The following ATG13 variants were observed in gnomAD, a reference collection of about 807,000 sequenced individuals.
ATG13 encodes the protein autophagy related 13, also known as autophagy-related protein 13.
Under a neutral mutation model 65.5 loss-of-function variants are expected in ATG13, and 23 were observed. That is an observed-to-expected ratio of 0.35 (90% CI 0.25 to 0.50). The LOEUF (loss-of-function observed/expected upper bound fraction) is 0.50. ATG13 is among the 20% of genes least tolerant of loss of function. ATG13 has a pLI of 0.98. For missense variants in ATG13, 566 were observed against 677.0 expected (o/e 0.84, Z 1.82); for synonymous variants, 252 against 245.2 (o/e 1.03, Z -0.26).
chr11:46,639,905 G>A (rs1050110206), intron 2 of ATG13, among the ~76,000 whole-genome samples: 1 of 148,962 alleles, frequency 6.7e-6, no homozygotes, highest in Non-Finnish European at 1.5e-5. Flanking sequence ...CCATGTTGGA[G>A]TGTAGTGGCA....
intron 2 of ATG13, among the ~76,000 whole-genome samples, chr11:46,631,176 A>G (rs530694905): frequency 6.6e-6 from 1 of 152,282 alleles, no homozygotes; most frequent in South Asian, 2.1e-4. Context: ...GTAGAACCCT[A>G]TATGTATGTA....
chr11:46,642,131 C>T (rs1830938701), intron 2 of ATG13, among the ~76,000 whole-genome samples: 1 of 151,930 alleles, frequency 6.6e-6, no homozygotes, highest in Admixed American at 6.6e-5. Flanking sequence ...TTCAGCTCTC[C>T]TTTTGTTTAT....
chr11:46,670,128 T>C (rs1252477935), intron 18 of ATG13, among the ~76,000 whole-genome samples: 2 of 152,162 alleles, frequency 1.3e-5, no homozygotes, highest in East Asian at 3.9e-4. Flanking sequence ...TAAATAGATA[T>C]TAAGATCCTA....
intron 2 of ATG13, among the ~76,000 whole-genome samples, chr11:46,640,025 C>T (rs955044271): frequency 6.6e-6 from 1 of 150,874 alleles, no homozygotes; most frequent in East Asian, 1.9e-4. Flanking sequence ...ATTTTTTTTT[C>T]CTAGAGATGG....
chr11:46,640,045 A>G (rs2055421261), intron 2 of ATG13, among the ~76,000 whole-genome samples: 6 of 151,866 alleles, frequency 4.0e-5, no homozygotes, highest in Admixed American at 3.9e-4. Flanking sequence ...GGGTTTCACC[A>G]TGTTGCCCAG....
At chr11:46,666,027 G>A (rs930736017) in intron 14 of ATG13, among the ~76,000 whole-genome samples, 11 of 151,880 alleles carry the variant, frequency 7.2e-5, no homozygotes, top group Admixed American at 7.2e-4. Context: ...GGCTGGTCTC[G>A]AACTCCTGGC....
chr11:46,635,606 C>T (rs1031495818), intron 2 of ATG13, among the ~76,000 whole-genome samples: 1 of 152,252 alleles, frequency 6.6e-6, no homozygotes, highest in East Asian at 1.9e-4. Context: ...CCTTTGTATT[C>T]ATAGGAGCAC....
chr11:46,646,064 A>T, intron 5 of ATG13, 75 bp downstream of exon 5: 1 of 1,569,704 alleles, frequency 6.4e-7, no homozygotes, highest in Non-Finnish European at 8.7e-7. Flanking sequence ...TTCATTTCTC[A>T]GTCTTATTCC....
Position 46,620,014 on chromosome 11 carries a change from G to A in ATG13, c.-70+2124G>A, listed in dbSNP as rs541216343. On this transcript the variant is annotated intron_variant, in intron 1 of 18. Coordinates refer to ENST00000683050, the MANE Select transcript of ATG13 (RefSeq NM_001346311.2). ...ATTGCACTCCAGCCCGGGAGACAGC[G>A]CCCCTCTGTCTCAAAAAAAAAAAAA... Among the ~76,000 whole-genome samples the A allele has an allele frequency of 2.9e-4, 40 of 138,342 alleles. 1 individual carries two copies. Among genetic ancestry groups the A allele is most frequent in the African/African-American group, 6.1e-4 (22 of 35,822 alleles). 90.8% of individuals were successfully genotyped at this position (138,342 alleles called of 152,430 possible). A position where few individuals can be genotyped will look rare whatever the true frequency, so the allele number is the denominator to read the frequency against.
chr11:46,645,010 C>T (rs1419592992), intron 3 of ATG13, among the ~76,000 whole-genome samples: 1 of 152,162 alleles, frequency 6.6e-6, no homozygotes, highest in Non-Finnish European at 1.5e-5. Context: ...TTTAAAACCA[C>T]AGTTGGACAC....
intron 1 of ATG13, among the ~76,000 whole-genome samples, chr11:46,626,113 G>A (rs1368353501): frequency 3.3e-5 from 5 of 152,006 alleles, no homozygotes; most frequent in Admixed American, 6.6e-5. Context: ...CCACCACCAC[G>A]CCCAGCTAAT....
At chr11:46,636,000 C>T (rs2053821393) in intron 2 of ATG13, among the ~76,000 whole-genome samples, 1 of 152,064 alleles carries the variant, frequency 6.6e-6, no homozygotes, top group Admixed American at 6.6e-5. Context: ...AGCTGGAGTA[C>T]AATGGCACAG....
intron 7 of ATG13, among the ~76,000 whole-genome samples, chr11:46,654,849 A>G (rs1053705397): frequency 6.6e-6 from 1 of 152,186 alleles, no homozygotes; most frequent in Non-Finnish European, 1.5e-5. Flanking sequence ...CTGTAATCCC[A>G]GCACTTTGGG....
At chr11:46,633,543 C>T (rs1024284073) in intron 2 of ATG13, among the ~76,000 whole-genome samples, 4 of 151,856 alleles carry the variant, frequency 2.6e-5, no homozygotes, top group African/African-American at 7.3e-5. Flanking sequence ...GACGGGGTTT[C>T]GCCGTGTTGG....
intron 2 of ATG13, among the ~76,000 whole-genome samples, chr11:46,636,745 C>T (rs1297221043): frequency 6.6e-6 from 1 of 151,960 alleles, no homozygotes; most frequent in African/African-American, 2.4e-5. Flanking sequence ...GTGTCAGCTG[C>T]CACGCTGGGC....
rs1471645219 is a variant in ATG13, at chr11:46,663,628, A to T, written c.790-369A>T. 2.0e-5 allele frequency among the ~76,000 whole-genome samples: 3 copies of T among 152,324 alleles called. No homozygotes were observed. The East Asian group carries it at 5.8e-4, about 29-fold the overall frequency. ...TTCAGCACACCTTGCATCTGCAGTC[A>T]GACCTTTCTGTTGGAAGCTGCTGTC... On this transcript the variant is annotated intron_variant, in intron 11 of 18. Transcript: ENST00000683050.
Position 46,617,569 on chromosome 11 carries a change from G to A in ATG13, c.-391G>A, listed in dbSNP as rs2045701832. On this transcript the variant is annotated 5_prime_UTR_variant, in exon 1 of 19. Coordinates refer to ENST00000683050, the MANE Select transcript of ATG13 (RefSeq NM_001346311.2). ...CCCCCCCCCGGCCATTACCGAAGCG[G>A]ATGAAAACAAACACTAACGATGGCG... is the stretch of plus-strand genomic sequence containing the variant. 1 of 253,924 alleles carries A rather than the reference G, an allele frequency of 3.9e-6. No individual in the cohort carries two copies. Among genetic ancestry groups the A allele is most frequent in the Admixed American group, 6.0e-5 (1 of 16,776 alleles). 15.7% of individuals were successfully genotyped at this position (253,924 alleles called of 1,614,324 possible).
At chr11:46,628,573 G>A (rs910355756) in intron 1 of ATG13, among the ~76,000 whole-genome samples, 1 of 151,940 alleles carries the variant, frequency 6.6e-6, no homozygotes. Flanking sequence ...AAATGTGAAA[G>A]CAATGTTGTT....
chr11:46,647,847 C>T (rs920143324), intron 5 of ATG13, among the ~76,000 whole-genome samples: 4 of 150,732 alleles, frequency 2.7e-5, no homozygotes, highest in East Asian at 2.0e-4. Context: ...CTGGCCTCAA[C>T]TGATCCTCCT....
Sources: allele counts gnomAD v4.1 joint callset (sites outside exome capture counted in the v4.1 genomes callset), GRCh38; gene constraint gnomAD v4.1.1; transcripts MANE v1.5; gene names NCBI Gene and HGNC (gene_info 2026-07-23, HGNC 2026-07-21).